NCALD: variants seen among roughly 807,000 people sequenced by gnomAD.
The protein encoded by NCALD is neurocalcin delta, also known as neurocalcin-delta.
Under a neutral mutation model 18.6 loss-of-function variants are expected in NCALD, and 10 were observed. That is an observed-to-expected ratio of 0.54 (90% CI 0.33 to 0.91). The LOEUF (loss-of-function observed/expected upper bound fraction) is 0.91. NCALD is among the 40% of genes least tolerant of loss of function. The probability of loss-of-function intolerance (pLI) is 0.03; values close to 1 mark genes in which losing one functional copy is unlikely to be tolerated. For missense variants in NCALD, 184 were observed against 247.6 expected (o/e 0.74, Z 1.72); for synonymous variants, 88 against 87.4 (o/e 1.01, Z -0.04).
intron 2 of NCALD, chr8:101,694,171 T>G (rs1231342566): frequency 6.6e-6 from 1 of 152,144 alleles, no homozygotes; most frequent in Non-Finnish European, 1.5e-5. Flanking sequence ...CTGGGGACAA[T>G]TTTTAGAAAA....
intron 3 of NCALD, among the ~76,000 whole-genome samples, chr8:101,903,289 C>T (rs1270073764): frequency 6.6e-6 from 1 of 151,338 alleles, no homozygotes; most frequent in African/African-American, 2.4e-5. Context: ...CTCCGCCTCT[C>T]GGGTTCAAGT....
At chr8:102,019,132 A>G (rs907566457) in intron 2 of NCALD, among the ~76,000 whole-genome samples, 2 of 152,082 alleles carry the variant, frequency 1.3e-5, no homozygotes, top group African/African-American at 2.4e-5. Flanking sequence ...ACAAAATAAG[A>G]TACCCAAATG....
chr8:101,820,666 G>GA (rs1813684540), intron 4 of NCALD, among the ~76,000 whole-genome samples: 2 of 152,170 alleles, frequency 1.3e-5, no homozygotes, highest in South Asian at 4.1e-4. Context: ...CCCTGCTGTA[G>GA]ATGGGATAGG....
chr8:101,932,442 A>C (rs1291340506), intron 2 of NCALD, among the ~76,000 whole-genome samples: 2 of 152,166 alleles, frequency 1.3e-5, no homozygotes, highest in African/African-American at 2.4e-5. Context: ...GCCATCTCCC[A>C]ATAACCCTTT....
At chr8:101,970,451 C>T (rs1313587873) in intron 2 of NCALD, among the ~76,000 whole-genome samples, 1 of 152,138 alleles carries the variant, frequency 6.6e-6, no homozygotes. Flanking sequence ...TTTCTACCAT[C>T]AAAAGAGTCT....
chr8:102,010,284 C>T (rs1821860365), intron 2 of NCALD, among the ~76,000 whole-genome samples: 1 of 152,236 alleles, frequency 6.6e-6, no homozygotes, highest in African/African-American at 2.4e-5. Flanking sequence ...ATCTGCCTTT[C>T]TTTACCTACA....
intron 1 of NCALD, among the ~76,000 whole-genome samples, chr8:101,785,076 C>T (rs1812170213): frequency 6.6e-6 from 1 of 152,146 alleles, no homozygotes; most frequent in Admixed American, 6.5e-5. Context: ...AGCCAAATGC[C>T]TAGAGCTCTA....
chr8:101,949,022 A>G (rs941884487), intron 2 of NCALD, among the ~76,000 whole-genome samples: 7 of 152,142 alleles, frequency 4.6e-5, no homozygotes, highest in African/African-American at 1.7e-4. Flanking sequence ...TACAGAAAAC[A>G]TCTTATAGAG....
chr8:101,793,585 A>G (rs901526460), upstream of NCALD, among the ~76,000 whole-genome samples: 1 of 152,150 alleles, frequency 6.6e-6, no homozygotes, highest in African/African-American at 2.4e-5. Flanking sequence ...TAGAGCTCAG[A>G]TTCCTACCAA....
chr8:101,935,198 G>T (rs1019986129), intron 2 of NCALD, among the ~76,000 whole-genome samples: 7 of 152,002 alleles, frequency 4.6e-5, no homozygotes, highest in Admixed American at 3.3e-4. Context: ...ATATAGGTGA[G>T]AAATTTCAGA....
At chr8:101,969,922 A>AGTGT (rs146395849) in intron 2 of NCALD, among the ~76,000 whole-genome samples, 3 of 151,710 alleles carry the variant, frequency 2.0e-5, no homozygotes, top group African/African-American at 4.8e-5. Flanking sequence ...AATAAATCTA[A>AGTGT]GTGTGTGTGT....
At chr8:101,844,749 G>C (rs1025674471) in intron 4 of NCALD, among the ~76,000 whole-genome samples, 1 of 152,168 alleles carries the variant, frequency 6.6e-6, no homozygotes, top group African/African-American at 2.4e-5. Flanking sequence ...AGCAAATTCA[G>C]CTAGTGGCCA....
At chr8:101,980,232 AC>A (rs1413396614) in intron 2 of NCALD, among the ~76,000 whole-genome samples, 6 of 152,104 alleles carry the variant, frequency 3.9e-5, no homozygotes, top group African/African-American at 1.4e-4. Flanking sequence ...CTCCCTGCCC[AC>A]TCAACAAGGA....
At chr8:101,913,773 G>T (rs959269802) in intron 3 of NCALD, among the ~76,000 whole-genome samples, 3 of 152,096 alleles carry the variant, frequency 2.0e-5, no homozygotes, top group African/African-American at 7.2e-5. Flanking sequence ...GTAGAGATGG[G>T]GCTTCTCCAT....
chr8:102,116,406 T>C (rs978355316), intron 1 of NCALD, among the ~76,000 whole-genome samples: 5 of 152,186 alleles, frequency 3.3e-5, no homozygotes, highest in Non-Finnish European at 7.4e-5. Flanking sequence ...CTGAGCTCTG[T>C]CATGGATTGA....
intron 1 of NCALD, among the ~76,000 whole-genome samples, chr8:102,056,095 A>G (rs1040115575): frequency 2.6e-5 from 4 of 152,222 alleles, no homozygotes; most frequent in Non-Finnish European, 5.9e-5. Context: ...AACATTTTCT[A>G]TACCTTTGAA....
chr8:102,124,029 CAG>C (rs1380325784), intron 1 of NCALD: 1 of 152,406 alleles, frequency 6.6e-6, no homozygotes, highest in Non-Finnish European at 1.5e-5. Context: ...GGGGGAATGA[CAG>C]AGGAATTGAC....
At chr8:101,900,239 ATCT>A (rs1236041479) in intron 3 of NCALD, among the ~76,000 whole-genome samples, 4 of 151,880 alleles carry the variant, frequency 2.6e-5, no homozygotes, top group Non-Finnish European at 5.9e-5. Context: ...GGCAATATAT[ATCT>A]TCTTTTTTCT....
chr8:101,732,156 C>T (rs983092024), intron 1 of NCALD, among the ~76,000 whole-genome samples: 1 of 152,186 alleles, frequency 6.6e-6, no homozygotes, highest in African/African-American at 2.4e-5. Context: ...CTGAGGAATT[C>T]CTTTTGCAAT....
Sources: gnomAD v4.1 joint callset for allele counts (sites outside exome capture counted in the v4.1 genomes callset) on GRCh38, gnomAD v4.1.1 for gene constraint, MANE v1.5 for transcripts, NCBI Gene and HGNC (gene_info 2026-07-23, HGNC 2026-07-21) for gene names.